Variants in MCC observed in about 807,000 individuals in gnomAD.
MCC encodes the protein colorectal mutant cancer protein.
MCC carries 90 observed loss-of-function variants against 116.2 expected under a neutral mutation model. That is an observed-to-expected ratio of 0.77 (90% CI 0.65 to 0.92). The LOEUF (loss-of-function observed/expected upper bound fraction) is 0.92, where lower values mean the gene tolerates loss of function less well. Among genes scored for constraint, MCC ranks in the 40% least tolerant of loss-of-function variants. The probability of loss-of-function intolerance (pLI) is 0.00; values close to 1 mark genes in which losing one functional copy is unlikely to be tolerated. For missense variants in MCC, 1,516 were observed against 1,312.2 expected (o/e 1.16, Z -2.40); for synonymous variants, 578 against 510.5 (o/e 1.13, Z -1.78).
chr5:113,162,988 G>C (rs78936021), intron 3 of MCC, among the ~76,000 whole-genome samples: 10,123 of 152,240 alleles, frequency 0.066, 459 homozygotes, highest in East Asian at 0.17. Context: ...GTAATCTAGA[G>C]TCTGCCTTTC....
chr5:113,327,561 A>AAATATAT lies in MCC; in HGVS notation c.627+12957_627+12958insATATATT, dbSNP rs1480996383. Reference sequence around the variant, plus strand: ...ACTCAGTCTCAAAAAAAAAAAAAAAAATATATATATATATATATATATATA... The same window carrying AAATATAT: ...ACTCAGTCTCAAAAAAAAAAAAAAAAAATATATATATATATATATATATATATATATA... On this transcript the variant is annotated intron_variant, in intron 3 of 18. Coordinates refer to ENST00000408903, the MANE Select transcript of MCC (RefSeq NM_001085377.2). Among the ~76,000 whole-genome samples the AAATATAT allele has an allele frequency of 2.3e-3, 186 of 80,536 alleles. 8 individuals carry two copies. Among genetic ancestry groups the AAATATAT allele is most frequent in the African/African-American group, 8.7e-3 (175 of 20,082 alleles). The allele number at this position is 80,536 out of a possible 152,430, so 52.8% of individuals were successfully genotyped here.
chr5:113,167,011 G>A (rs1019891044), intron 3 of MCC, among the ~76,000 whole-genome samples: 7 of 152,106 alleles, frequency 4.6e-5, no homozygotes, highest in African/African-American at 9.7e-5. Flanking sequence ...TTACTCTCCC[G>A]GAAAACCTTT....
chr5:113,181,507 T>C (rs1413559736), intron 3 of MCC, among the ~76,000 whole-genome samples: 2 of 152,342 alleles, frequency 1.3e-5, no homozygotes, highest in Non-Finnish European at 2.9e-5. Flanking sequence ...CATCTATAAC[T>C]GTAGAATACT....
chr5:113,057,545 C>T (rs1425759069), intron 14 of MCC, among the ~76,000 whole-genome samples: 1 of 152,212 alleles, frequency 6.6e-6, no homozygotes, highest in African/African-American at 2.4e-5. Context: ...AGCTGGAACA[C>T]CACGGGCTAT....
At chr5:113,327,620 A>G (rs1051054670) in intron 3 of MCC, among the ~76,000 whole-genome samples, 29 of 144,986 alleles carry the variant, frequency 2.0e-4, no homozygotes, top group Admixed American at 7.5e-4. Context: ...TTTCCTTACT[A>G]AGATATTGCC....
At chr5:113,178,274 G>A (rs367942385) in intron 3 of MCC, among the ~76,000 whole-genome samples, 7 of 152,214 alleles carry the variant, frequency 4.6e-5, no homozygotes, top group African/African-American at 7.2e-5. Context: ...GCAGTGGCGA[G>A]TGGACCATCT....
chr5:113,039,221 C>T (rs571060832), intron 17 of MCC, among the ~76,000 whole-genome samples: 11 of 152,252 alleles, frequency 7.2e-5, no homozygotes, highest in African/African-American at 2.6e-4. Flanking sequence ...ATATTTTTTA[C>T]TTATTTATTT....
intron 3 of MCC, among the ~76,000 whole-genome samples, chr5:113,303,195 G>C (rs71577442): frequency 0.13 from 19,147 of 152,138 alleles, 1,335 homozygotes; most frequent in Non-Finnish European, 0.17. Flanking sequence ...GGGTTCATGA[G>C]AGACTCCAGA....
At chr5:113,446,435 A>C (rs1210392615) in intron 1 of MCC, among the ~76,000 whole-genome samples, 2 of 152,190 alleles carry the variant, frequency 1.3e-5, no homozygotes, top group Non-Finnish European at 2.9e-5. Context: ...AGTGGGCAAA[A>C]GACAGAAACA....
chr5:113,160,187 G>C (rs1311066045), intron 3 of MCC, among the ~76,000 whole-genome samples: 1 of 152,272 alleles, frequency 6.6e-6, no homozygotes, highest in Admixed American at 6.5e-5. Context: ...TGTGAAAGCT[G>C]TCATACTGGT....
At chr5:113,348,288 T>C (rs1043655066) in intron 2 of MCC, among the ~76,000 whole-genome samples, 33 of 152,032 alleles carry the variant, frequency 2.2e-4, no homozygotes, top group Non-Finnish European at 3.8e-4. Context: ...CACAGATCAT[T>C]CTCAAGGATA....
At chr5:113,106,583 T>A (rs968535910) in intron 6 of MCC, among the ~76,000 whole-genome samples, 1 of 152,180 alleles carries the variant, frequency 6.6e-6, no homozygotes, top group African/African-American at 2.4e-5. Flanking sequence ...CTCTGTTGCA[T>A]AGGCTGGAGT....
At chr5:113,456,657 G>T in intron 1 of MCC, among the ~76,000 whole-genome samples, 1 of 69,618 alleles carries the variant, frequency 1.4e-5, no homozygotes, top group Admixed American at 1.8e-4. Flanking sequence ...TTTTTTAGTA[G>T]AGACGAGGCT....
intron 1 of MCC, among the ~76,000 whole-genome samples, chr5:113,427,704 T>G (rs919575915): frequency 6.6e-6 from 1 of 152,242 alleles, no homozygotes; most frequent in Non-Finnish European, 1.5e-5. Flanking sequence ...GCAACCATTA[T>G]TAACACTACA....
chr5:113,324,509 C>G (rs1171310973), intron 3 of MCC, among the ~76,000 whole-genome samples: 1 of 151,998 alleles, frequency 6.6e-6, no homozygotes, highest in African/African-American at 2.4e-5. Flanking sequence ...TTCCAGTATC[C>G]CTATGCCCAT....
At position 113,453,071 on chromosome 5, in the gene MCC, C is replaced by T. The variant is rs1771445521; in HGVS notation, c.170+35174G>A. Among the ~76,000 whole-genome samples, 5 of 152,210 alleles carry T rather than the reference C, an allele frequency of 3.3e-5. No homozygotes were observed. The South Asian group carries it at 1.0e-3, about 32-fold the overall frequency. On this transcript the variant is annotated intron_variant, in intron 1 of 18. Transcript: ENST00000408903. Reference sequence around the variant, plus strand: ...GATTAATGTTAATGGCAAAGAACCACTTGTCAGCAGAAATCATGGGAAGGA... The same window carrying T: ...GATTAATGTTAATGGCAAAGAACCATTTGTCAGCAGAAATCATGGGAAGGA...
rs562084706 is a variant in MCC at position 113,404,191 on chromosome 5, G to A, written c.171-18979C>T. Among the ~76,000 whole-genome samples the A allele has an allele frequency of 4.6e-4, 70 of 152,246 alleles. 1 individual carries two copies. In the South Asian group the frequency reaches 0.013, roughly 28 times the overall value. On this transcript the variant is annotated intron_variant, in intron 1 of 18. Transcript: ENST00000408903. ...CCAGTTTGTTTCTTTATTTGAGGGTGAGAAGATCCCCTCCTATAATTTTGA... is the reference window on the plus strand; with the variant it reads ...CCAGTTTGTTTCTTTATTTGAGGGTAAGAAGATCCCCTCCTATAATTTTGA...
intron 3 of MCC, among the ~76,000 whole-genome samples, chr5:113,152,782 A>G (rs977541313): frequency 6.6e-6 from 1 of 152,186 alleles, no homozygotes; most frequent in Non-Finnish European, 1.5e-5. Context: ...ACTTCACTTA[A>G]TCGCATCGGA....
chr5:113,075,361 G>A lies in MCC; in HGVS notation c.1785-4127C>T, dbSNP rs753681086. Among the ~76,000 whole-genome samples the A allele has an allele frequency of 7.0e-4, 107 of 152,260 alleles. 1 individual carries two copies. In the Middle Eastern group the frequency reaches 0.01, roughly 15 times the overall value. On this transcript the variant is annotated intron_variant, in intron 11 of 18. Transcript: ENST00000408903. ...CGTGCATCCCAAGCCTCCCCGATGG[G>A]TGCCGCCCCCTGCTCTGAGGTGCCC...
Sources: gnomAD v4.1 joint callset for allele counts (sites outside exome capture counted in the v4.1 genomes callset) on GRCh38, gnomAD v4.1.1 for gene constraint, MANE v1.5 for transcripts, NCBI Gene and HGNC (gene_info 2026-07-23, HGNC 2026-07-21) for gene names.